Variants in TICRR observed in about 807,000 individuals in gnomAD.
The protein encoded by TICRR is treslin.
In TICRR, 132 loss-of-function variants were observed where a neutral mutation model predicts 178.1. The ratio of observed to expected loss-of-function variants is 0.74; its 90% CI spans 0.64 to 0.86. The LOEUF is 0.86. TICRR is among the 40% of genes least tolerant of loss of function. The pLI, the probability that TICRR is intolerant of heterozygous loss-of-function variation, is 0.00. For synonymous variants in TICRR, 991 were observed against 900.7 expected (o/e 1.10, Z -1.79); for missense variants, 2,587 against 2,334.3 (o/e 1.11, Z -2.23).
At chr15:89,592,579 A>G (rs1231765824) in intron 5 of TICRR, among the ~76,000 whole-genome samples, 1 of 152,230 alleles carries the variant, frequency 6.6e-6, no homozygotes, top group Non-Finnish European at 1.5e-5. Flanking sequence ...ACCGATTACT[A>G]AGAATCCAAC....
intron 12 of TICRR, 87 bp downstream of exon 12, chr15:89,602,063 T>C: frequency 6.6e-7 from 1 of 1,513,522 alleles, no homozygotes; most frequent in Non-Finnish European, 8.9e-7. Context: ...GTCATCTTTG[T>C]CCATATAATT....
At chr15:89,576,860 T>TATAC (rs1555419112) in intron 1 of TICRR, among the ~76,000 whole-genome samples, 182 of 128,508 alleles carry the variant, frequency 1.4e-3, no homozygotes, top group African/African-American at 3.7e-3. Flanking sequence ...TATATATATA[T>TATAC]ACACACACAC....
intron 7 of TICRR, among the ~76,000 whole-genome samples, chr15:89,598,690 A>AC: frequency 2.0e-5 from 3 of 151,986 alleles, no homozygotes; most frequent in Non-Finnish European, 4.4e-5. Context: ...TTAACACTTA[A>AC]ACTTGGTATA....
In TICRR at chr15:89,625,252, AC is replaced by A; in HGVS notation, c.4947del (p.Thr1650ProfsTer32). ...GCAAACCTACATCTGCCAGGCCTGT[AC>A]CCCCACCCACGGCCCTTCTAGTACC... ...RGQTYICQAC[T>X]PTHGPSSTPS... On this transcript the variant is annotated frameshift_variant, in exon 20 of 22. Coordinates refer to ENST00000268138, the MANE Select transcript of TICRR (RefSeq NM_152259.4). LOFTEE classifies it high-confidence loss of function. 2 of 1,612,724 alleles carry A rather than the reference AC, an allele frequency of 1.2e-6. No homozygotes were observed. Among genetic ancestry groups the A allele is most frequent in the Non-Finnish European group, 1.7e-6 (2 of 1,179,066 alleles).
At position 89,577,599 on chromosome 15, in the gene TICRR, C is replaced by CTTTTTTTT. The variant is rs71151513; in HGVS notation, c.654+1379_654+1386dup. On this transcript the variant is annotated intron_variant, in intron 1 of 21. Coordinates refer to ENST00000268138, the MANE Select transcript of TICRR (RefSeq NM_152259.4). ...ATACAGAGTGGTAGTGAGGGAAGGC[C>CTTTTTTTT]TTTTTTTTTTTTTTTTTTTTTTTTT... is the stretch of plus-strand genomic sequence containing the variant. 6.6e-5 allele frequency among the ~76,000 whole-genome samples: 4 copies of CTTTTTTTT among 60,858 alleles called. 1 individual carries two copies. The highest frequency in any genetic ancestry group is 3.1e-4 in the African/African-American group (4 of 12,944). 39.9% of individuals were successfully genotyped at this position (60,858 alleles called of 152,430 possible).
intron 1 of TICRR, among the ~76,000 whole-genome samples, 176 bp downstream of exon 1, chr15:89,576,416 C>T (rs1962616012): frequency 6.6e-6 from 1 of 152,130 alleles, no homozygotes; most frequent in Non-Finnish European, 1.5e-5. Context: ...GGTAGTTCCT[C>T]ACTACCTACT....
chr15:89,623,937 CTG>C lies in TICRR; in HGVS notation c.3629_3630del (p.Cys1210TyrfsTer77). The C allele has an allele frequency of 6.2e-7, 1 of 1,614,102 alleles. No individual in the cohort carries two copies. The highest frequency in any genetic ancestry group is 8.5e-7 in the Non-Finnish European group (1 of 1,180,030). On this transcript the variant is annotated frameshift_variant, in exon 20 of 22. Transcript: ENST00000268138. LOFTEE classifies it high-confidence loss of function. ...CTCAGCCGCCTGGGTTTTTGCCAAA[CTG>C]TACTTGGCCACATTCAGTGAATTCC... ...GTQPPGFLPN[C>X]TWPHSVNSSP...
At chr15:89,592,260 C>A (rs1962926045) in intron 5 of TICRR, 84 bp downstream of exon 5, 2 of 1,172,132 alleles carry the variant, frequency 1.7e-6, no homozygotes, top group Admixed American at 1.9e-5. Flanking sequence ...AGACCACATT[C>A]TCTGAGTATA....
At position 89,586,090 on chromosome 15, in the gene TICRR, A is replaced by G. The variant is rs865850609; in HGVS notation, c.1411+148A>G. ...TATAATACTTCAGGCAGTTTAAATC[A>G]TTATTATTTATAGAATTCCTTAAGT... On this transcript the variant is annotated intron_variant, in intron 4 of 21. Transcript: ENST00000268138. 2.3e-4 allele frequency: 140 copies of G among 600,282 alleles called. No homozygotes were observed. In the African/African-American group the frequency reaches 2.3e-3, roughly 10 times the overall value. The allele number at this position is 600,282 out of a possible 1,614,324, so 37.2% of individuals were successfully genotyped here.
chr15:89,625,420 G>C lies in TICRR; in HGVS notation c.5110G>C (p.Glu1704Gln). 6.2e-7 allele frequency: 1 copy of C among 1,613,990 alleles called. No individual in the cohort carries two copies. The highest frequency in any genetic ancestry group is 8.5e-7 in the Non-Finnish European group (1 of 1,180,028). ...CGAGSSSGRGEVGADLPGSLS... is the reference protein window; with the variant it reads ...CGAGSSSGRGQVGADLPGSLS... ...CGCCGGCTCCTCTTCCGGGAGGGGC[G>C]AGGTCGGTGCAGACCTTCCTGGGAG... Residue 1704 changes from glutamate (E) to glutamine (Q), a missense_variant, in exon 20 of 22, where the codon GAG (glutamate) becomes CAG (glutamine). Coordinates refer to ENST00000268138, the MANE Select transcript of TICRR (RefSeq NM_152259.4).
chr15:89,584,386 A>G lies in TICRR; in HGVS notation c.1035A>G (p.Ser345=), dbSNP rs752502763. Residue 345 remains serine, a synonymous_variant, in exon 3 of 22, where the codon TCA becomes TCG. Coordinates refer to ENST00000268138, the MANE Select transcript of TICRR (RefSeq NM_152259.4). ...QKPVRIFLKG[S]VAQWSLPTSS... The stretch of plus-strand genomic sequence containing the variant: ...CAGTCAGAATTTTTCTAAAAGGCTC[A>G]GTGGCCCAGTGGTCTCTCCCAACGA... 19 of 1,614,118 alleles carry G rather than the reference A, an allele frequency of 1.2e-5. No individual in the cohort carries two copies. Among genetic ancestry groups the G allele is most frequent in the Admixed American group, 3.3e-5 (2 of 60,004 alleles).
At chr15:89,584,564 A>G in intron 3 of TICRR, 37 bp downstream of exon 3, 3 of 1,507,106 alleles carry the variant, frequency 2.0e-6, no homozygotes, top group Non-Finnish European at 2.7e-6. Context: ...TTCTTGTCTA[A>G]CAACACACTG....
At chr15:89,608,624 A>G (rs1029572296) in intron 14 of TICRR, among the ~76,000 whole-genome samples, 179 bp from the exon 15 acceptor site, 6 of 152,216 alleles carry the variant, frequency 3.9e-5, no homozygotes, top group Non-Finnish European at 7.3e-5. Flanking sequence ...GCAAAAGTAA[A>G]TATTTTTAAT....
intron 17 of TICRR, among the ~76,000 whole-genome samples, chr15:89,618,951 A>G (rs988703193): frequency 1.3e-5 from 2 of 152,174 alleles, no homozygotes; most frequent in African/African-American, 4.8e-5. Context: ...GAGCAAGACC[A>G]TGTCTCTAAA....
Position 89,585,822 on chromosome 15 carries a change from C to T in TICRR, c.1291C>T (p.Arg431Ter), listed in dbSNP as rs942770811. The T allele has an allele frequency of 2.5e-5, 41 of 1,614,026 alleles. No individual in the cohort carries two copies. The highest frequency in any genetic ancestry group is 3.2e-5 in the Non-Finnish European group (38 of 1,180,034). The stretch of plus-strand genomic sequence containing the variant: ...CCGCACCAAGGAGGCTGAATTTCAA[C>T]GACATGTTCTCCAAACAGCTGTGGC... The part of the protein sequence containing the change: ...VCRTKEAEFQ[R>*]HVLQTAVADS... Residue 431 changes from arginine (R) to a stop codon, truncating the protein, a stop_gained, in exon 4 of 22, where the codon CGA becomes TGA. Coordinates refer to ENST00000268138, the MANE Select transcript of TICRR (RefSeq NM_152259.4). LOFTEE classifies it high-confidence loss of function.
chr15:89,597,031 C>G (rs1596045966), intron 7 of TICRR, among the ~76,000 whole-genome samples: 3 of 152,244 alleles, frequency 2.0e-5, no homozygotes, highest in Admixed American at 1.3e-4. Context: ...TTAATATTTG[C>G]TGAAACTGAC....
In TICRR at chr15:89,576,292, A is replaced by C. The variant is rs78756713; in HGVS notation, c.654+52A>C. The C allele has an allele frequency of 2.0e-3, 2,990 of 1,469,042 alleles. 99 individuals carry two copies. In the East Asian group the frequency reaches 0.062, roughly 30 times the overall value. The allele number at this position is 1,469,042 out of a possible 1,614,324, so 91.0% of individuals were successfully genotyped here. A position where few individuals can be genotyped will look rare whatever the true frequency, so the allele number is the denominator to read the frequency against. On this transcript the variant is annotated intron_variant, in intron 1 of 21. Transcript: ENST00000268138. ...TGGCGTGCACGGTGCTTTCCTTGCT[A>C]ACCAGAACTTGGCAGCGTCCTTAGA...
intron 15 of TICRR, among the ~76,000 whole-genome samples, chr15:89,611,439 C>T (rs1212404547): frequency 6.6e-6 from 1 of 152,178 alleles, no homozygotes; most frequent in Non-Finnish European, 1.5e-5. Flanking sequence ...ACTTTGACTA[C>T]AACGTGTCTC....
chr15:89,583,453 T>G (rs2141953169), intron 2 of TICRR, among the ~76,000 whole-genome samples: 1 of 152,386 alleles, frequency 6.6e-6, no homozygotes, highest in Non-Finnish European at 1.5e-5. Context: ...ATCTCATTTC[T>G]GAATATATTG....
Sources: allele counts gnomAD v4.1 joint callset (sites outside exome capture counted in the v4.1 genomes callset), GRCh38; gene constraint gnomAD v4.1.1; transcripts MANE v1.5; gene names NCBI Gene and HGNC (gene_info 2026-07-23, HGNC 2026-07-21).